The following MUC22 variants were observed in gnomAD, a reference collection of about 807,000 sequenced individuals.
The protein encoded by MUC22 is mucin-22.
Under a neutral mutation model 40.3 loss-of-function variants are expected in MUC22, and 24 were observed. The observed-to-expected ratio is 0.60, with a 90% CI of 0.43 to 0.84. The LOEUF (loss-of-function observed/expected upper bound fraction) is 0.84. MUC22 is among the 40% of genes least tolerant of loss of function. The pLI is 0.00. For missense variants in MUC22, 1,926 were observed against 2,130.7 expected, an observed-to-expected ratio of 0.90 and a Z score of 1.89; for synonymous variants, 765 against 844.5, an observed-to-expected ratio of 0.91 and a Z score of 1.63.
rs778544722 is a variant in MUC22, at chr6:31,027,018, T to C, written c.1587T>C (p.Ser529=). The C allele has an allele frequency of 3.4e-6, 5 of 1,491,992 alleles. 1 individual carries two copies. In the South Asian group the frequency reaches 6.1e-5, roughly 18 times the overall value. 92.4% of individuals were successfully genotyped at this position (1,491,992 alleles called of 1,614,324 possible). ...AAGATTCTAAGACTACCACAGCCTC[T>C]ACTACAGGGTTTGAGACAACCGCAG... The change falls in exon 2 of 4, where the codon TCT becomes TCC. Residue 529 remains serine, a synonymous_variant. Transcript: ENST00000561890.
At chr6:31,024,864 G>T (rs1484404351) in intron 1 of MUC22, among the ~76,000 whole-genome samples, 2 of 141,192 alleles carry the variant, frequency 1.4e-5, no homozygotes, top group Non-Finnish European at 3.1e-5. Context: ...TCAAATTGCT[G>T]CCTTCTTTTT....
At chr6:31,022,957 C>T (rs760116705) in intron 1 of MUC22, among the ~76,000 whole-genome samples, 4 of 151,874 alleles carry the variant, frequency 2.6e-5, no homozygotes, top group African/African-American at 4.8e-5. Context: ...TGGTGAAACC[C>T]TGTCTCTACT....
upstream of MUC22, among the ~76,000 whole-genome samples, chr6:31,008,188 T>G (rs1258120190): frequency 6.6e-6 from 1 of 152,244 alleles, no homozygotes; most frequent in Non-Finnish European, 1.5e-5. Flanking sequence ...GTTTAATTCC[T>G]GACTCCATCA....
At chr6:31,019,387 C>T (rs768095428) in intron 1 of MUC22, among the ~76,000 whole-genome samples, 38 of 152,210 alleles carry the variant, frequency 2.5e-4, no homozygotes, top group Non-Finnish European at 2.6e-4. Flanking sequence ...CACTCTTGCC[C>T]TCCTACATGC....
exon 2 of MUC22, chr6:31,025,584 C>T (rs765381510): frequency 5.9e-6 from 9 of 1,522,514 alleles, no homozygotes; most frequent in African/African-American, 4.1e-5. Flanking sequence ...CCATGGCCTC[C>T]ACCATGGCCT....
At chr6:31,018,622 A>C (rs1764441999) in intron 1 of MUC22, among the ~76,000 whole-genome samples, 1 of 152,224 alleles carries the variant, frequency 6.6e-6, no homozygotes, top group African/African-American at 2.4e-5. Context: ...GAAATCCGTA[A>C]GCCTCCATAT....
chr6:31,014,428 C>A (rs148923896), intron 1 of MUC22, among the ~76,000 whole-genome samples: 86 of 152,232 alleles, frequency 5.6e-4, no homozygotes, highest in African/African-American at 2.0e-3. Context: ...TGGTTGCTTG[C>A]TAGATCTCTT....
intron 1 of MUC22, among the ~76,000 whole-genome samples, chr6:31,018,526 A>AAAACT (rs3084521): frequency 6.6e-6 from 1 of 151,792 alleles, no homozygotes. Flanking sequence ...CAAAAAAACA[A>AAAACT]AAATATCTCC....
At chr6:31,034,694 G>T in exon 4 of MUC22, 1 of 1,534,962 alleles carries the variant, frequency 6.5e-7, no homozygotes, top group Non-Finnish European at 8.7e-7. Flanking sequence ...TTCCCCCTGA[G>T]ATATTGTGGT....
At chr6:31,017,458 A>C (rs1000334988) in intron 1 of MUC22, among the ~76,000 whole-genome samples, 4 of 151,568 alleles carry the variant, frequency 2.6e-5, no homozygotes, top group Admixed American at 6.6e-5. Flanking sequence ...CTCTGTGTCT[A>C]GCTCAAGGTT....
At chr6:31,021,472 G>C (rs1764736195) in intron 1 of MUC22, among the ~76,000 whole-genome samples, 1 of 150,252 alleles carries the variant, frequency 6.7e-6, no homozygotes, top group Admixed American at 6.6e-5. Flanking sequence ...AGCTGCTCTC[G>C]TGGGGCCTTG....
At position 31,010,726 on chromosome 6, in the gene MUC22, C is replaced by G. The variant is rs921254551; in HGVS notation, c.20C>G (p.Ser7Cys). 36 of 702,474 alleles carry G rather than the reference C, an allele frequency of 5.1e-5. No homozygotes were observed. The African/African-American group carries it at 5.8e-4, about 11-fold the overall frequency. The allele number at this position is 702,474 out of a possible 1,614,324, so 43.5% of individuals were successfully genotyped here. A position where few individuals can be genotyped will look rare whatever the true frequency, so the allele number is the denominator to read the frequency against. Residue 7 changes from serine (S) to cysteine (C), a missense_variant, in exon 1 of 4, where the codon TCT (serine) becomes TGT (cysteine). Ser to Cys is a moderately radical substitution (Grantham distance 112). Transcript: ENST00000561890. ...TTAGAGATGAGAAGAGGAAATATCTCTCCTGCTTTCTGGTTCCTGTGGCTG... is the reference window on the plus strand; with the variant it reads ...TTAGAGATGAGAAGAGGAAATATCTGTCCTGCTTTCTGGTTCCTGTGGCTG...
chr6:31,018,923 G>T (rs1764470602), intron 1 of MUC22, among the ~76,000 whole-genome samples: 1 of 149,886 alleles, frequency 6.7e-6, no homozygotes, highest in Non-Finnish European at 1.5e-5. Context: ...TGATGCAGTG[G>T]CCAGAGCTTG....
exon 2 of MUC22, chr6:31,026,312 G>C: frequency 6.6e-7 from 1 of 1,507,464 alleles, no homozygotes; most frequent in South Asian, 1.2e-5. Flanking sequence ...TCTACAGCAG[G>C]TTCTGAGACC....
exon 2 of MUC22, chr6:31,028,343 G>T: frequency 1.3e-6 from 2 of 1,532,200 alleles, no homozygotes; most frequent in Non-Finnish European, 8.7e-7. Flanking sequence ...TCTACTGAAG[G>T]CTCTGAGATT....
At position 31,032,941 on chromosome 6, in the gene MUC22, G is replaced by A. The variant is rs12661923; in HGVS notation, c.5055+360G>A. Reference sequence around the variant, plus strand: ...AGCACTTTGGAAGGCCAAGGAGGGCGGATCACTTGAGTCCAGGCATTTGAG... The same window carrying A: ...AGCACTTTGGAAGGCCAAGGAGGGCAGATCACTTGAGTCCAGGCATTTGAG... On this transcript the variant is annotated intron_variant, in intron 3 of 3. Coordinates refer to ENST00000561890, the Ensembl canonical transcript of MUC22. The surrounding 1 kb of genome is among the most constrained non-coding windows in gnomAD (Gnocchi z 4.1). Among the ~76,000 whole-genome samples the A allele has an allele frequency of 0.11, 16,725 of 152,206 alleles. 1,122 individuals carry two copies. The highest frequency in any genetic ancestry group is 0.17 in the Middle Eastern group (51 of 294).
chr6:31,027,338 C>T (rs539483491), exon 2 of MUC22: 2 of 1,494,190 alleles, frequency 1.3e-6, no homozygotes, highest in South Asian at 1.2e-5. Flanking sequence ...TCTGAGACCA[C>T]CACAGCTTCC....
At chr6:31,012,036 G>T (rs1005930536) in intron 1 of MUC22, among the ~76,000 whole-genome samples, 2 of 152,138 alleles carry the variant, frequency 1.3e-5, no homozygotes, top group African/African-American at 4.8e-5. Context: ...ATTGGGCTCC[G>T]TGTGACTCCA....
upstream of MUC22, among the ~76,000 whole-genome samples, chr6:31,008,120 G>A (rs1763626496): frequency 6.6e-6 from 1 of 152,218 alleles, no homozygotes. Flanking sequence ...GTCCTGTTTG[G>A]ACATGACAAC....
Sources: gnomAD v4.1 joint callset for allele counts (sites outside exome capture counted in the v4.1 genomes callset) on GRCh38, gnomAD v4.1.1 for gene constraint, Gnocchi (gnomAD v3.1) non-coding constraint, MANE v1.5 for transcripts, NCBI Gene and HGNC (gene_info 2026-07-23, HGNC 2026-07-21) for gene names.